Variants in KNL1 observed in about 807,000 individuals in gnomAD.
KNL1 encodes the protein outer kinetochore KNL1 complex subunit KNL1.
KNL1 carries 66 observed loss-of-function variants against 201.3 expected under a neutral mutation model. That is an observed-to-expected ratio of 0.33 (90% CI 0.27 to 0.40). The LOEUF (loss-of-function observed/expected upper bound fraction) is 0.40, where lower values mean the gene tolerates loss of function less well. Ranked by LOEUF, KNL1 falls within the 10% of genes least tolerant of loss-of-function variation. The pLI, the probability that KNL1 is intolerant of heterozygous loss-of-function variation, is 1.00. For synonymous variants in KNL1, 895 were observed against 899.2 expected, an observed-to-expected ratio of 1.00 and a Z score of 0.08; for missense variants, 2,815 against 2,690.5, an observed-to-expected ratio of 1.05 and a Z score of -1.02.
intron 9 of KNL1, among the ~76,000 whole-genome samples, chr15:40,620,236 C>CA (rs1892473282): frequency 6.8e-6 from 1 of 147,888 alleles, no homozygotes; most frequent in Non-Finnish European, 1.5e-5. Context: ...TTTTTTGAGA[C>CA]AGAGTCTTGC....
At chr15:40,647,204 T>C (rs888626150) in intron 17 of KNL1, 130 bp downstream of exon 17, 5 of 556,804 alleles carry the variant, frequency 9.0e-6, no homozygotes, top group African/African-American at 1.9e-5. Context: ...TTAGAGTAAA[T>C]TGGCTCACGC....
Position 40,655,623 on chromosome 15 carries a change from A to G in KNL1, c.6484+646A>G, listed in dbSNP as rs530926407. Among the ~76,000 whole-genome samples, 28 of 148,806 alleles carry G rather than the reference A, an allele frequency of 1.9e-4. 1 individual carries two copies. Among genetic ancestry groups the G allele is most frequent in the African/African-American group, 6.9e-4 (28 of 40,310 alleles). On this transcript the variant is annotated intron_variant, in intron 22 of 25. Transcript: ENST00000399668. ...AAAAAAAAAAAAAAGATTTAAAAAA[A>G]ATTATTACATGCCGGGCATGGTGGC...
intron 17 of KNL1, among the ~76,000 whole-genome samples, chr15:40,647,916 G>A (rs1033921390): frequency 6.6e-6 from 1 of 152,104 alleles, no homozygotes; most frequent in Non-Finnish European, 1.5e-5. Context: ...CTGATCCCTT[G>A]TGGGGATTTA....
At chr15:40,648,487 TATG>T (rs1220835661) in intron 17 of KNL1, among the ~76,000 whole-genome samples, 2 of 152,326 alleles carry the variant, frequency 1.3e-5, no homozygotes, top group East Asian at 1.9e-4. Context: ...TGTTCTCTCT[TATG>T]ATGTTTCTCA....
chr15:40,654,978 G>C lies in KNL1; in HGVS notation c.6484+1G>C. The C allele has an allele frequency of 6.2e-7, 1 of 1,609,708 alleles. No homozygotes were observed. Among genetic ancestry groups the C allele is most frequent in the Non-Finnish European group, 8.5e-7 (1 of 1,176,832 alleles). Reference sequence around the variant, plus strand: ...GTCAATTTTCAATCTCTGTTAGATGGTAAGTAGAAAACATTTAAGCCTCTA... The same window carrying C: ...GTCAATTTTCAATCTCTGTTAGATGCTAAGTAGAAAACATTTAAGCCTCTA... On this transcript the variant is annotated splice_donor_variant, in intron 22 of 25. Coordinates refer to ENST00000399668, the MANE Select transcript of KNL1 (RefSeq NM_144508.5). LOFTEE classifies it high-confidence loss of function.
Position 40,621,667 on chromosome 15 carries a change from C to T in KNL1, c.1403C>T (p.Ala468Val), listed in dbSNP as rs1892533949. 1 of 1,612,564 alleles carries T rather than the reference C, an allele frequency of 6.2e-7. No homozygotes were observed. The highest frequency in any genetic ancestry group is 1.7e-4 in the Middle Eastern group (1 of 6,052). Residue 468 changes from alanine (A) to valine (V), a missense_variant, in exon 10 of 26, where the codon GCT becomes GTT. Physicochemically the swap from Ala to Val is moderately conservative, Grantham distance 64. Coordinates refer to ENST00000399668, the MANE Select transcript of KNL1 (RefSeq NM_144508.5). ...NYAKMYCNPD[A>V]MSSLTEKTIY... The stretch of plus-strand genomic sequence containing the variant: ...GCTAAAATGTATTGCAATCCAGATG[C>T]TATGTCTTCTCTCACAGAGAAAACT...
chr15:40,631,828 G>T (rs894059887), intron 13 of KNL1, among the ~76,000 whole-genome samples: 1 of 151,942 alleles, frequency 6.6e-6, no homozygotes, highest in South Asian at 2.1e-4. Context: ...CGGGAAAATA[G>T]GGAGACCCTG....
At chr15:40,634,100 GTTGTTTGT>G (rs376595445) in intron 13 of KNL1, among the ~76,000 whole-genome samples, 2 of 151,306 alleles carry the variant, frequency 1.3e-5, no homozygotes, top group South Asian at 4.2e-4. Flanking sequence ...TGTTGTTGTT[GTTGTTTGT>G]TTGTTTGTTT....
At chr15:40,657,513 C>T (rs750053854) in intron 24 of KNL1, 40 bp downstream of exon 24, 11 of 1,058,316 alleles carry the variant, frequency 1.0e-5, no homozygotes, top group African/African-American at 7.8e-5. Context: ...TGACAGAGTA[C>T]TACAAATTGG....
intron 2 of KNL1, 133 bp downstream of exon 2, chr15:40,603,099 T>G: frequency 1.7e-6 from 1 of 588,464 alleles, no homozygotes; most frequent in Non-Finnish European, 2.9e-6. Flanking sequence ...GTTTTTTTTT[T>G]TAAATTATAC....
intron 13 of KNL1, among the ~76,000 whole-genome samples, chr15:40,637,208 T>A (rs75294252): frequency 1.3e-5 from 2 of 151,584 alleles, no homozygotes. Context: ...AAAATTTTTT[T>A]AATCTTCACT....
At chr15:40,627,374 C>T (rs935167717) in intron 10 of KNL1, among the ~76,000 whole-genome samples, 1 of 152,022 alleles carries the variant, frequency 6.6e-6, no homozygotes, top group Non-Finnish European at 1.5e-5. Context: ...ATTAGCCAGG[C>T]ATGGTGGCGA....
At chr15:40,644,654 A>C (rs575285580) in intron 14 of KNL1, among the ~76,000 whole-genome samples, 1 of 152,228 alleles carries the variant, frequency 6.6e-6, no homozygotes, top group Non-Finnish European at 1.5e-5. Flanking sequence ...TCCGCAGTGC[A>C]TTGTGCCCCT....
At chr15:40,650,445 T>C in intron 18 of KNL1, 67 bp downstream of exon 18, 1 of 1,565,756 alleles carries the variant, frequency 6.4e-7, no homozygotes, top group South Asian at 1.2e-5. Context: ...TTTGTTTATA[T>C]ACTTTGGTGA....
rs572803708 is a variant in KNL1, at chr15:40,600,499, A to T, written c.-17-2416A>T. The stretch of plus-strand genomic sequence containing the variant: ...GATCTCCCATGGTGGGAAGACAGAC[A>T]GTTTAATGGCTAAAACTAGAAAAAT... On this transcript the variant is annotated intron_variant, in intron 1 of 25. Transcript: ENST00000399668. Among the ~76,000 whole-genome samples the T allele has an allele frequency of 3.9e-5, 6 of 152,356 alleles. No homozygotes were observed. The South Asian group carries it at 1.2e-3, about 32-fold the overall frequency.
Position 40,622,659 on chromosome 15 carries a change from A to G in KNL1, c.2395A>G (p.Arg799Gly). 6.3e-7 allele frequency: 1 copy of G among 1,591,690 alleles called. No individual in the cohort carries two copies. The highest frequency in any genetic ancestry group is 1.4e-5 in the African/African-American group (1 of 73,814). ...TACTGGCCAGCTAACAACAATGAAC[A>G]GACAGATAGCTGTAAAAGTTGAAAA... ...HTTGQLTTMN[R>G]QIAVKVEKCG... The change falls in exon 10 of 26, where the codon AGA becomes GGA. Residue 799 changes from arginine to glycine, a missense_variant. By Grantham distance (125) the Arg-to-Gly change is moderately radical. Coordinates refer to ENST00000399668, the MANE Select transcript of KNL1 (RefSeq NM_144508.5).
Position 40,647,007 on chromosome 15 carries a change from A to G in KNL1, c.6027A>G (p.Gln2009=). The G allele has an allele frequency of 6.7e-7, 1 of 1,490,438 alleles. No homozygotes were observed. Among genetic ancestry groups the G allele is most frequent in the Non-Finnish European group, 9.4e-7 (1 of 1,067,882 alleles). The allele number at this position is 1,490,438 out of a possible 1,614,324, so 92.3% of individuals were successfully genotyped here. A position where few individuals can be genotyped will look rare whatever the true frequency, so the allele number is the denominator to read the frequency against. ...TTTAGAATGAGAGGGAGAAACTTCA[A>G]ATAAAGATAGATGAGATGGATAAAA... ...QSAQNEREKL[Q]IKIDEMDKIL... The change falls in exon 17 of 26, where the codon CAA becomes CAG. Residue 2009 remains glutamine, a synonymous_variant. Coordinates refer to ENST00000399668, the MANE Select transcript of KNL1 (RefSeq NM_144508.5).
In KNL1 at chr15:40,644,931, T is replaced by C. The variant is rs1893340943; in HGVS notation, c.5799-66T>C. On this transcript the variant is annotated intron_variant, in intron 14 of 25. Transcript: ENST00000399668. Reference sequence around the variant, plus strand: ...GTCTCTTACGTCTTTCCTTTCTACATAGACACAGTAACAGTCTGATCTCTT... The same window carrying C: ...GTCTCTTACGTCTTTCCTTTCTACACAGACACAGTAACAGTCTGATCTCTT... 9 of 984,070 alleles carry C rather than the reference T, an allele frequency of 9.1e-6. No individual in the cohort carries two copies. The East Asian group carries it at 2.2e-4, about 25-fold the overall frequency. The allele number at this position is 984,070 out of a possible 1,614,324, so 61.0% of individuals were successfully genotyped here. A position where few individuals can be genotyped will look rare whatever the true frequency, so the allele number is the denominator to read the frequency against.
chr15:40,620,984 G>A lies in KNL1; in HGVS notation c.720G>A (p.Glu240=), dbSNP rs1427779354. 1.2e-6 allele frequency: 2 copies of A among 1,604,410 alleles called. No homozygotes were observed. Among genetic ancestry groups the A allele is most frequent in the Non-Finnish European group, 1.7e-6 (2 of 1,177,318 alleles). The change falls in exon 10 of 26, where the codon GAG becomes GAA. Residue 240 remains glutamate (E), a synonymous_variant. Transcript: ENST00000399668. ...FPDVPDKENF[E]IPIYSKEPNS... ...ATGTGCCTGATAAAGAAAATTTTGA[G>A]ATACCTATTTATTCCAAGGAACCGA...
Sources: allele counts gnomAD v4.1 joint callset (sites outside exome capture counted in the v4.1 genomes callset), GRCh38; gene constraint gnomAD v4.1.1; transcripts MANE v1.5; gene names NCBI Gene and HGNC (gene_info 2026-07-23, HGNC 2026-07-21).